Variants in DNAAF11 observed in about 807,000 individuals in gnomAD.
DNAAF11 encodes dynein axonemal assembly factor 11, also known as leucine rich repeat containing 6.
Under a neutral mutation model 60.8 loss-of-function variants are expected in DNAAF11, and 45 were observed. The ratio of observed to expected loss-of-function variants is 0.74; its 90% confidence interval spans 0.58 to 0.95. The LOEUF (loss-of-function observed/expected upper bound fraction) is 0.95. Ranked by LOEUF, DNAAF11 falls within the 40% of genes least tolerant of loss-of-function variation. The probability of loss-of-function intolerance (pLI) is 0.00; values close to 1 mark genes in which losing one functional copy is unlikely to be tolerated. For synonymous variants in DNAAF11, 191 were observed against 183.5 expected, an observed-to-expected ratio of 1.04 and a Z score of -0.33; for missense variants, 546 against 546.2, an observed-to-expected ratio of 1.00 and a Z score of 0.00.
chr8:132,620,909 C>T (rs1291682834), intron 7 of DNAAF11, among the ~76,000 whole-genome samples: 1 of 152,014 alleles, frequency 6.6e-6, no homozygotes, highest in Non-Finnish European at 1.5e-5. Context: ...AGAAGTGAGC[C>T]GGTTGGGGAA....
At chr8:132,687,694 G>A in the DNAAF11 span, 1 of 456,238 alleles carries the variant, frequency 2.2e-6, no homozygotes, top group South Asian at 1.5e-5. Context: ...TAAGGGATAA[G>A]TGACTTGCCC....
At chr8:132,652,887 C>G (rs955693113) in intron 3 of DNAAF11, among the ~76,000 whole-genome samples, 1 of 151,728 alleles carries the variant, frequency 6.6e-6, no homozygotes, top group African/African-American at 2.4e-5. Flanking sequence ...ACGCGTATAC[C>G]TATGTAACAA....
chr8:132,680,234 G>A (rs917363420), upstream of DNAAF11, among the ~76,000 whole-genome samples: 1 of 152,218 alleles, frequency 6.6e-6, no homozygotes, highest in Non-Finnish European at 1.5e-5. Flanking sequence ...GAGTTGTGGT[G>A]TGTGTCTGTT....
intron 10 of DNAAF11, among the ~76,000 whole-genome samples, chr8:132,584,863 A>G (rs1157399515): frequency 1.3e-5 from 2 of 152,182 alleles, no homozygotes; most frequent in Non-Finnish European, 2.9e-5. Context: ...GTCTATCATC[A>G]TCTGCCTCCC....
Position 132,647,871 on chromosome 8 carries a change from C to A in DNAAF11, c.256+8959G>T, listed in dbSNP as rs572934245. ...GGCTCTGAAATTGAGGCAGTAATAGCCTAAAAACCAAAAAAAGTCCAGGAC... is the reference window on the plus strand; with the variant it reads ...GGCTCTGAAATTGAGGCAGTAATAGACTAAAAACCAAAAAAAGTCCAGGAC... On this transcript the variant is annotated intron_variant, in intron 3 of 11. Coordinates refer to ENST00000620350, the MANE Select transcript of DNAAF11 (RefSeq NM_012472.6). 7.3e-5 allele frequency among the ~76,000 whole-genome samples: 11 copies of A among 151,262 alleles called. No individual in the cohort carries two copies. The East Asian group carries it at 2.1e-3, about 30-fold the overall frequency.
intron 10 of DNAAF11, among the ~76,000 whole-genome samples, chr8:132,600,437 T>C (rs1326974524): frequency 1.3e-5 from 2 of 152,124 alleles, no homozygotes; most frequent in Non-Finnish European, 2.9e-5. Flanking sequence ...AAAGTTCATA[T>C]GTAACCAAAA....
intron 3 of DNAAF11, among the ~76,000 whole-genome samples, chr8:132,650,037 T>C (rs538336252): frequency 1.1e-4 from 17 of 152,348 alleles, no homozygotes; most frequent in African/African-American, 3.6e-4. Flanking sequence ...CAAAGGATTA[T>C]AAATCATGCT....
upstream of DNAAF11, among the ~76,000 whole-genome samples, chr8:132,676,166 C>T (rs1226816206): frequency 6.6e-6 from 1 of 152,110 alleles, no homozygotes; most frequent in Non-Finnish European, 1.5e-5. Context: ...CACCCATTAC[C>T]CCCTCCATCA....
the DNAAF11 span, among the ~76,000 whole-genome samples, chr8:132,688,789 G>A: frequency 7.6e-4 from 115 of 152,284 alleles, 1 homozygote; most frequent in East Asian, 0.014. Context: ...TTGTATATAT[G>A]AGATCTTAAT....
intron 5 of DNAAF11, among the ~76,000 whole-genome samples, chr8:132,626,138 G>A (rs1242444913): frequency 2.0e-5 from 3 of 151,476 alleles, no homozygotes; most frequent in Admixed American, 6.6e-5. Context: ...CGCAAGCTCC[G>A]CCTCTCGGGT....
intron 11 of DNAAF11, among the ~76,000 whole-genome samples, chr8:132,579,679 T>C (rs1815116115): frequency 1.3e-5 from 2 of 152,116 alleles, no homozygotes. Context: ...GATGGTTCTA[T>C]ATGCAGTAGC....
At chr8:132,688,751 C>T in the DNAAF11 span, among the ~76,000 whole-genome samples, 1 of 152,160 alleles carries the variant, frequency 6.6e-6, no homozygotes, top group African/African-American at 2.4e-5. Context: ...CTGGATCAAG[C>T]TGTACCTGAA....
chr8:132,670,758 C>G (rs566863673), intron 1 of DNAAF11, among the ~76,000 whole-genome samples: 58 of 152,022 alleles, frequency 3.8e-4, no homozygotes, highest in Non-Finnish European at 6.0e-4. Context: ...AAAAATTATA[C>G]ATTATAACCA....
intron 6 of DNAAF11, chr8:132,622,916 C>CA (rs1185795511): frequency 8.0e-6 from 3 of 373,692 alleles, no homozygotes; most frequent in African/African-American, 4.2e-5. Context: ...ATCTGTACAG[C>CA]AAAAAAATGA....
At chr8:132,586,254 A>T (rs1317648462) in intron 10 of DNAAF11, among the ~76,000 whole-genome samples, 1 of 152,116 alleles carries the variant, frequency 6.6e-6, no homozygotes, top group Non-Finnish European at 1.5e-5. Flanking sequence ...AATTTTCTGC[A>T]ATTCTGTTTT....
the DNAAF11 span, among the ~76,000 whole-genome samples, chr8:132,697,535 T>C: frequency 2.6e-5 from 4 of 151,746 alleles, no homozygotes; most frequent in African/African-American, 9.7e-5. Context: ...GGAGAATCAC[T>C]TGAACTTGGG....
At chr8:132,618,725 A>G (rs1819443808) in intron 7 of DNAAF11, among the ~76,000 whole-genome samples, 1 of 151,916 alleles carries the variant, frequency 6.6e-6, no homozygotes, top group Non-Finnish European at 1.5e-5. Flanking sequence ...CATCAGAGAA[A>G]TGCAAATCAA....
intron 10 of DNAAF11, among the ~76,000 whole-genome samples, chr8:132,601,668 A>C (rs1817635137): frequency 6.6e-6 from 1 of 152,120 alleles, no homozygotes; most frequent in Non-Finnish European, 1.5e-5. Flanking sequence ...AAACTATCAC[A>C]AGGACAAAAA....
chr8:132,668,150 C>T (rs1203407585), intron 1 of DNAAF11, among the ~76,000 whole-genome samples: 1 of 152,188 alleles, frequency 6.6e-6, no homozygotes, highest in Non-Finnish European at 1.5e-5. Context: ...TCACCTCTTG[C>T]AGCATCTAAA....
Sources: allele counts gnomAD v4.1 joint callset (sites outside exome capture counted in the v4.1 genomes callset), GRCh38; gene constraint gnomAD v4.1.1; transcripts MANE v1.5; gene names NCBI Gene and HGNC (gene_info 2026-07-23, HGNC 2026-07-21).